Variants in ABCD4 observed in about 807,000 individuals in gnomAD.
ABCD4 encodes the protein ATP binding cassette subfamily D member 4.
ABCD4 carries 53 observed loss-of-function variants against 86.3 expected under a neutral mutation model. The observed-to-expected ratio is 0.61, with a 90% CI of 0.49 to 0.77. ABCD4 has a LOEUF of 0.77. ABCD4 is among the 30% of genes least tolerant of loss of function. The pLI is 0.00. For synonymous variants in ABCD4, 328 were observed against 313.6 expected (o/e 1.05, Z -0.49); for missense variants, 757 against 764.5 (o/e 0.99, Z 0.12).
intron 3 of ABCD4, among the ~76,000 whole-genome samples, chr14:74,298,276 A>AT (rs1392329206): frequency 6.6e-6 from 1 of 151,640 alleles, no homozygotes; most frequent in Admixed American, 6.6e-5. Context: ...CCTTCACCAA[A>AT]TTTTTTTTCT....
At chr14:74,291,920 G>A (rs74063809) in intron 11 of ABCD4, among the ~76,000 whole-genome samples, 9,771 of 152,088 alleles carry the variant, frequency 0.064, 1,049 homozygotes, top group African/African-American at 0.22. Context: ...CAGACACACG[G>A]ATACAGACAT....
At position 74,288,715 on chromosome 14, in the gene ABCD4, C is replaced by T. The variant is rs1226169652; in HGVS notation, c.1506+1G>A. On this transcript the variant is annotated splice_donor_variant, in intron 15 of 18. Transcript: ENST00000356924. LOFTEE classifies it high-confidence loss of function. ...TCCTGAGGGTCCCTCTCCCCACTTA[C>T]CAGGCCTGCCAATTCCAAGAACCTC... The T allele has an allele frequency of 4.3e-6, 7 of 1,613,348 alleles. No homozygotes were observed. Among genetic ancestry groups the T allele is most frequent in the Non-Finnish European group, 5.9e-6 (7 of 1,179,790 alleles).
Position 74,299,599 on chromosome 14 carries a change from C to T in ABCD4, c.234G>A (p.Gly78=). ...YGVLGNKDLE[G]FKTLTFLAVM... is the part of the protein sequence containing the mutation. ...CAGCCAGGAATGTCAGAGTCTTAAA[C>T]CCTTCCAAGTCTTTGTTTCCCAGGA... The change falls in exon 3 of 19, where the codon GGG becomes GGA. Residue 78 remains glycine, a synonymous_variant. Transcript: ENST00000356924. The T allele has an allele frequency of 5.0e-6, 8 of 1,613,982 alleles. No homozygotes were observed. Among genetic ancestry groups the T allele is most frequent in the Non-Finnish European group, 6.8e-6 (8 of 1,179,918 alleles).
chr14:74,292,718 G>A, intron 9 of ABCD4, 30 bp downstream of exon 9: 1 of 1,613,952 alleles, frequency 6.2e-7, no homozygotes, highest in Middle Eastern at 1.7e-4. Context: ...GAGAGGGACA[G>A]CATGTGGGGT....
In ABCD4 at chr14:74,291,076, G is replaced by A. The variant is rs538780628; in HGVS notation, c.1119-577C>T. On this transcript the variant is annotated intron_variant, in intron 11 of 18. Transcript: ENST00000356924. ...CTTAAGATAGAGGTGGCAGGGGCAC[G>A]CACATATAAAGGAAAGGCCACGTGA... 4.3e-4 allele frequency among the ~76,000 whole-genome samples: 65 copies of A among 152,240 alleles called. 1 individual carries two copies. The highest frequency in any genetic ancestry group is 1.4e-3 in the African/African-American group (60 of 41,528).
In ABCD4 at chr14:74,299,815, A is replaced by C. The variant is rs542567497; in HGVS notation, c.158-140T>G. ...GGTGGCTCACGCCTGTAATCCCAGC[A>C]CTTTGGGAGGCTGAGGCGGGTGTAT... On this transcript the variant is annotated intron_variant, in intron 2 of 18. Coordinates refer to ENST00000356924, the MANE Select transcript of ABCD4 (RefSeq NM_005050.4). The C allele has an allele frequency of 1.3e-5, 10 of 777,988 alleles. No homozygotes were observed. In the African/African-American group the frequency reaches 1.8e-4, roughly 14 times the overall value. 48.2% of individuals were successfully genotyped at this position (777,988 alleles called of 1,614,324 possible). A position where few individuals can be genotyped will look rare whatever the true frequency, so the allele number is the denominator to read the frequency against.
At chr14:74,294,872 G>C in intron 7 of ABCD4, 1 of 498,912 alleles carries the variant, frequency 2.0e-6, no homozygotes. Flanking sequence ...ACCAGCAAGA[G>C]GATGAGGCAT....
chr14:74,286,563 T>A, intron 18 of ABCD4, 34 bp from the exon 19 acceptor site: 1 of 1,614,146 alleles, frequency 6.2e-7, no homozygotes, highest in Non-Finnish European at 8.5e-7. Flanking sequence ...GAGATCAGGC[T>A]GCCCTGGCCG....
chr14:74,288,876 G>C, intron 14 of ABCD4, 111 bp from the exon 15 acceptor site: 2 of 1,333,970 alleles, frequency 1.5e-6, no homozygotes, highest in Non-Finnish European at 2.0e-6. Flanking sequence ...CACTTTGGGA[G>C]GCCGAGGCAG....
At chr14:74,299,893 C>T (rs953347374) in intron 2 of ABCD4, 5 of 582,670 alleles carry the variant, frequency 8.6e-6, no homozygotes, top group Non-Finnish European at 1.5e-5. Context: ...GAAACCCTGT[C>T]TTTACTGAAA....
At chr14:74,287,621 C>T (rs747756534) in intron 17 of ABCD4, among the ~76,000 whole-genome samples, 189 bp downstream of exon 17, 14 of 149,776 alleles carry the variant, frequency 9.3e-5, no homozygotes, top group Admixed American at 2.0e-4. Flanking sequence ...CTGGCAGTAC[C>T]GCATATTCAG....
At chr14:74,296,524 T>A (rs1345887017) in intron 4 of ABCD4, 75 bp from the exon 5 acceptor site, 3 of 1,317,512 alleles carry the variant, frequency 2.3e-6, no homozygotes, top group Admixed American at 3.4e-5. Flanking sequence ...AACTTTCACA[T>A]CACCTCTGCT....
intron 6 of ABCD4, 69 bp downstream of exon 6, chr14:74,295,785 G>A (rs1482053899): frequency 2.9e-5 from 47 of 1,601,090 alleles, no homozygotes; most frequent in Middle Eastern, 1.7e-4. Flanking sequence ...AACTTAGGCA[G>A]TTTTACTCCA....
At chr14:74,287,710 C>T in intron 17 of ABCD4, 100 bp downstream of exon 17, 1 of 1,152,200 alleles carries the variant, frequency 8.7e-7, no homozygotes, top group Non-Finnish European at 1.3e-6. Context: ...CGGAGAAGCC[C>T]AGCCATTCAC....
In ABCD4 at chr14:74,287,881, T is replaced by C; in HGVS notation, c.1565A>G (p.Asp522Gly). 1.9e-6 allele frequency: 3 copies of C among 1,612,694 alleles called. No individual in the cohort carries two copies. Among genetic ancestry groups the C allele is most frequent in the Non-Finnish European group, 2.5e-6 (3 of 1,179,334 alleles). Residue 522 changes from aspartate (D) to glycine (G), a missense_variant, in exon 17 of 19, where the codon GAT (aspartate) becomes GGT (glycine). By Grantham distance (94) the Asp-to-Gly change is moderately conservative (BLOSUM62 -1). Coordinates refer to ENST00000356924, the MANE Select transcript of ABCD4 (RefSeq NM_005050.4). ...TTGCATCTCCCCCGGGGACAGAACA[T>C]CATACCTGAGGAAAGGTAGGAGAGA... The part of the protein sequence containing the change: ...LDQQVDWNWY[D>G]VLSPGEMQRL...
intron 3 of ABCD4, among the ~76,000 whole-genome samples, chr14:74,298,798 GA>G (rs1182268120): frequency 6.6e-6 from 1 of 152,220 alleles, no homozygotes; most frequent in African/African-American, 2.4e-5. Flanking sequence ...GCTTCCCCAA[GA>G]AAACAGGTGG....
intron 5 of ABCD4, 146 bp downstream of exon 5, chr14:74,296,187 C>A: frequency 4.5e-6 from 5 of 1,103,046 alleles, no homozygotes; most frequent in Non-Finnish European, 6.7e-6. Context: ...AAAGGAAGGG[C>A]AGGGGCCTGA....
At position 74,288,736 on chromosome 14, in the gene ABCD4, A is replaced by ACCTCAAGAT; in HGVS notation, c.1477_1485dup (p.Ile493_Arg495dup). ...CTTACCAGGCCTGCCAATTCCAAGA[A>ACCTCAAGAT]CCTCAAGATCCTCTCATCATCGGCA... is the stretch of plus-strand genomic sequence containing the variant. On this transcript the variant is annotated inframe_insertion, in exon 15 of 19. Coordinates refer to ENST00000356924, the MANE Select transcript of ABCD4 (RefSeq NM_005050.4). 1 of 1,613,580 alleles carries ACCTCAAGAT rather than the reference A, an allele frequency of 6.2e-7. No homozygotes were observed. The highest frequency in any genetic ancestry group is 8.5e-7 in the Non-Finnish European group (1 of 1,179,868).
chr14:74,295,101 C>T (rs2082498801), intron 7 of ABCD4, 47 bp downstream of exon 7: 2 of 1,606,858 alleles, frequency 1.2e-6, no homozygotes, highest in Non-Finnish European at 1.7e-6. Flanking sequence ...TCCTTCTCCA[C>T]TCTCAGCTCT....
Sources: gnomAD v4.1 joint callset for allele counts (sites outside exome capture counted in the v4.1 genomes callset) on GRCh38, gnomAD v4.1.1 for gene constraint, MANE v1.5 for transcripts, NCBI Gene and HGNC (gene_info 2026-07-23, HGNC 2026-07-21) for gene names.